Variants in GRM5 observed in about 807,000 individuals in gnomAD.
GRM5 encodes the protein metabotropic glutamate receptor 5.
Under a neutral mutation model 83.1 loss-of-function variants are expected in GRM5, and 19 were observed. The ratio of observed to expected loss-of-function variants is 0.23; its 90% CI spans 0.16 to 0.34. The LOEUF (loss-of-function observed/expected upper bound fraction) is 0.34, where lower values mean the gene tolerates loss of function less well. Among genes scored for constraint, GRM5 ranks in the 10% least tolerant of loss-of-function variants. GRM5 has a pLI of 1.00. For synonymous variants in GRM5, 675 were observed against 633.6 expected (o/e 1.07, Z -0.98); for missense variants, 1,160 against 1,588.3 (o/e 0.73, Z 4.58).
intron 2 of GRM5, among the ~76,000 whole-genome samples, chr11:89,041,656 G>A (rs1280902034): frequency 6.6e-6 from 1 of 152,168 alleles, no homozygotes; most frequent in Non-Finnish European, 1.5e-5. Context: ...CCCTCTAAAC[G>A]CTCTTTCCAG....
chr11:88,810,029 T>A (rs771375696), intron 3 of GRM5, among the ~76,000 whole-genome samples: 8 of 152,182 alleles, frequency 5.3e-5, no homozygotes, highest in Admixed American at 1.3e-4. Context: ...TAGAGAGGCC[T>A]CTACTACTGA....
chr11:88,689,691 T>C (rs1335764754), intron 3 of GRM5, among the ~76,000 whole-genome samples: 1 of 152,196 alleles, frequency 6.6e-6, no homozygotes, highest in Non-Finnish European at 1.5e-5. Flanking sequence ...TCTGTTTTTC[T>C]TCTACCTGCT....
intron 2 of GRM5, among the ~76,000 whole-genome samples, chr11:88,983,282 TAA>T (rs1348408047): frequency 6.6e-6 from 1 of 152,212 alleles, no homozygotes; most frequent in Non-Finnish European, 1.5e-5. Context: ...CACACACAAA[TAA>T]AACTCTATTG....
At chr11:89,002,904 T>A (rs531090197) in intron 2 of GRM5, among the ~76,000 whole-genome samples, 16 of 152,096 alleles carry the variant, frequency 1.1e-4, no homozygotes, top group Non-Finnish European at 1.3e-4. Flanking sequence ...CCAGAGAACC[T>A]TATCTAATAT....
chr11:88,729,133 C>T (rs956340636), intron 3 of GRM5, among the ~76,000 whole-genome samples: 7 of 152,174 alleles, frequency 4.6e-5, no homozygotes, highest in East Asian at 1.9e-4. Context: ...ACCCCATCAT[C>T]ATAGCCCAAA....
intron 2 of GRM5, among the ~76,000 whole-genome samples, chr11:88,924,553 G>C (rs1945753890): frequency 6.6e-6 from 1 of 151,910 alleles, no homozygotes; most frequent in African/African-American, 2.4e-5. Context: ...GCCAGACACA[G>C]GAAAATAGAT....
At chr11:88,753,547 T>C (rs1012607428) in intron 3 of GRM5, among the ~76,000 whole-genome samples, 4 of 152,142 alleles carry the variant, frequency 2.6e-5, no homozygotes, top group African/African-American at 9.7e-5. Flanking sequence ...AGAAATATCA[T>C]TTGACCCAGC....
chr11:88,641,190 T>G (rs1466836605), intron 4 of GRM5, among the ~76,000 whole-genome samples: 2 of 151,892 alleles, frequency 1.3e-5, no homozygotes, highest in African/African-American at 4.8e-5. Context: ...GAGTGGAGGC[T>G]GGGACAAGTG....
rs563007083 is a variant in GRM5, at chr11:88,817,809, A to C, written c.911+32097T>G. On this transcript the variant is annotated intron_variant, in intron 3 of 9. Transcript: ENST00000305447. ...ATAATCATTATGCATAAGAAAAATG[A>C]GGTTTAAATAAATTAAGTAACTTGG... 5.9e-5 allele frequency among the ~76,000 whole-genome samples: 9 copies of C among 152,278 alleles called. No individual in the cohort carries two copies. The South Asian group carries it at 1.7e-3, about 28-fold the overall frequency.
chr11:88,940,270 G>C, intron 2 of GRM5, among the ~76,000 whole-genome samples: 1 of 146,530 alleles, frequency 6.8e-6, no homozygotes. Flanking sequence ...TTTTTTTCCT[G>C]ATTTGAAATC....
intron 2 of GRM5, among the ~76,000 whole-genome samples, chr11:89,039,380 G>A (rs1343180182): frequency 6.6e-6 from 1 of 151,978 alleles, no homozygotes; most frequent in Non-Finnish European, 1.5e-5. Context: ...AGAACAAATA[G>A]TCCAACATCG....
At chr11:88,540,684 G>A (rs1035287086) in intron 8 of GRM5, among the ~76,000 whole-genome samples, 5 of 152,054 alleles carry the variant, frequency 3.3e-5, no homozygotes, top group African/African-American at 9.7e-5. Flanking sequence ...TATGACTAGA[G>A]ATTACCTTTC....
intron 8 of GRM5, among the ~76,000 whole-genome samples, chr11:88,536,199 G>T (rs1942125612): frequency 6.6e-6 from 1 of 151,982 alleles, no homozygotes; most frequent in Admixed American, 6.5e-5. Flanking sequence ...ATATATTGAA[G>T]AATTGGCATG....
intron 2 of GRM5, among the ~76,000 whole-genome samples, chr11:88,855,415 A>T (rs899565343): frequency 6.6e-6 from 1 of 151,882 alleles, no homozygotes; most frequent in African/African-American, 2.4e-5. Context: ...ATGTTGTACA[A>T]ATTCAATTCC....
rs547151552 is a variant in GRM5 at position 88,528,129 on chromosome 11, C to T, written c.2631-2725G>A. Among the ~76,000 whole-genome samples the T allele has an allele frequency of 1.7e-4, 26 of 152,042 alleles. No individual in the cohort carries two copies. The South Asian group carries it at 5.4e-3, about 32-fold the overall frequency. ...ACAAAACAAAAAACAAAAACAAAAC[C>T]TAACTGCTTTTGGTAAAAGCTTTCA... On this transcript the variant is annotated intron_variant, in intron 8 of 9. Coordinates refer to ENST00000305447, the MANE Select transcript of GRM5 (RefSeq NM_001143831.3).
chr11:88,694,084 T>C (rs2135363738), intron 3 of GRM5, among the ~76,000 whole-genome samples: 1 of 152,340 alleles, frequency 6.6e-6, no homozygotes, highest in South Asian at 2.1e-4. Flanking sequence ...TTGGAGATAA[T>C]AGTACCCGTT....
intron 3 of GRM5, among the ~76,000 whole-genome samples, chr11:88,809,913 T>A (rs1216633309): frequency 6.6e-6 from 1 of 152,104 alleles, no homozygotes; most frequent in Admixed American, 6.6e-5. Context: ...GGATAGCTGA[T>A]ACTAAACAAA....
chr11:88,685,715 G>A (rs1363802564), intron 3 of GRM5, among the ~76,000 whole-genome samples: 5 of 152,190 alleles, frequency 3.3e-5, no homozygotes, highest in Non-Finnish European at 7.3e-5. Context: ...GACTAAAAGT[G>A]GCCAAGGTAT....
At chr11:88,641,172 A>C (rs1452543284) in intron 4 of GRM5, among the ~76,000 whole-genome samples, 1 of 150,036 alleles carries the variant, frequency 6.7e-6, no homozygotes, top group Non-Finnish European at 1.5e-5. Context: ...GAGCAGGACC[A>C]AGAGAGAGAG....
Sources: gnomAD v4.1 joint callset for allele counts (sites outside exome capture counted in the v4.1 genomes callset) on GRCh38, gnomAD v4.1.1 for gene constraint, MANE v1.5 for transcripts, NCBI Gene and HGNC (gene_info 2026-07-23, HGNC 2026-07-21) for gene names.